TENM3: variants seen among roughly 807,000 people sequenced by gnomAD.
The protein encoded by TENM3 is teneurin transmembrane protein 3, also known as teneurin-3.
A neutral mutation model predicts 255.1 loss-of-function variants in TENM3; 63 were observed. The ratio of observed to expected loss-of-function variants is 0.25; its 90% CI spans 0.20 to 0.30. The LOEUF (loss-of-function observed/expected upper bound fraction) is 0.30, where lower values mean the gene tolerates loss of function less well. Among genes scored for constraint, TENM3 ranks in the 10% least tolerant of loss-of-function variants. The pLI, the probability that TENM3 is intolerant of heterozygous loss-of-function variation, is 1.00. For missense variants in TENM3, 2,929 were observed against 3,461.1 expected, an observed-to-expected ratio of 0.85 and a Z score of 3.86; for synonymous variants, 1,306 against 1,322.3, an observed-to-expected ratio of 0.99 and a Z score of 0.27.
At chr4:181,454,668 A>ACCATTTTTATACTTTTTTTTTTTTTTT in the TENM3 span, among the ~76,000 whole-genome samples, 3 of 88,176 alleles carry the variant, frequency 3.4e-5, no homozygotes, top group Admixed American at 1.2e-4. Flanking sequence ...TATGTTTTTT[A>ACCATTTTTATACTTTTTTTTTTTTTTT]TACCATTTTT....
chr4:181,475,915 G>A, the TENM3 span, among the ~76,000 whole-genome samples: 1 of 152,178 alleles, frequency 6.6e-6, no homozygotes, highest in Non-Finnish European at 1.5e-5. Context: ...AAGGGGCACC[G>A]GGTTCACCCC....
At chr4:182,023,487 G>A in the TENM3 span, among the ~76,000 whole-genome samples, 1 of 152,144 alleles carries the variant, frequency 6.6e-6, no homozygotes, top group East Asian at 1.9e-4. Context: ...GGTCAAAAAA[G>A]ATATAAGTAC....
At chr4:182,352,354 T>G (rs1029522212) in intron 3 of TENM3, among the ~76,000 whole-genome samples, 2 of 152,178 alleles carry the variant, frequency 1.3e-5, no homozygotes, top group Non-Finnish European at 2.9e-5. Flanking sequence ...TCAAAGATTT[T>G]AGCATGCTCC....
chr4:182,196,684 C>T (rs1470491730), intron 1 of TENM3, among the ~76,000 whole-genome samples: 3 of 152,196 alleles, frequency 2.0e-5, no homozygotes, highest in Non-Finnish European at 4.4e-5. Context: ...ATTCTAGAAG[C>T]TCCTTTAACC....
the TENM3 span, among the ~76,000 whole-genome samples, chr4:181,651,060 G>A: frequency 6.6e-6 from 1 of 152,118 alleles, no homozygotes; most frequent in South Asian, 2.1e-4. Flanking sequence ...TGTCCATAAT[G>A]CCAGAAAGGT....
intron 3 of TENM3, among the ~76,000 whole-genome samples, chr4:182,511,559 A>G (rs1217793788): frequency 6.6e-6 from 1 of 152,210 alleles, no homozygotes; most frequent in Non-Finnish European, 1.5e-5. Context: ...GTTTCTGAAG[A>G]GAACTTCAGT....
At chr4:181,811,865 C>T in the TENM3 span, among the ~76,000 whole-genome samples, 2,100 of 152,260 alleles carry the variant, frequency 0.014, 64 homozygotes, top group African/African-American at 0.048. Flanking sequence ...CAACACTAGG[C>T]CTGCAGAATA....
At chr4:181,831,634 A>G in the TENM3 span, among the ~76,000 whole-genome samples, 3 of 152,184 alleles carry the variant, frequency 2.0e-5, no homozygotes, top group African/African-American at 7.2e-5. Context: ...CATTTTGAAA[A>G]AAACTAGGAA....
chr4:182,289,392 C>T (rs371412938), intron 1 of TENM3, among the ~76,000 whole-genome samples: 3 of 152,196 alleles, frequency 2.0e-5, no homozygotes, highest in Non-Finnish European at 4.4e-5. Flanking sequence ...GCTGGGTGTG[C>T]GAGGGCGGAG....
chr4:182,266,354 T>C (rs1372249127), intron 1 of TENM3, among the ~76,000 whole-genome samples: 2 of 152,196 alleles, frequency 1.3e-5, no homozygotes, highest in African/African-American at 4.8e-5. Context: ...CAAAGAATTG[T>C]TAGGTTTAAA....
At chr4:182,142,839 C>G (rs890370382), upstream of TENM3, 4 of 166,810 alleles carry the variant, frequency 2.4e-5, no homozygotes, top group African/African-American at 9.6e-5. Context: ...CCACCTCTGC[C>G]GCCGCCCCGT....
At chr4:182,059,520 G>A in the TENM3 span, among the ~76,000 whole-genome samples, 1 of 151,584 alleles carries the variant, frequency 6.6e-6, no homozygotes, top group Admixed American at 6.6e-5. Context: ...CTACTGGAAG[G>A]GAAGTTCCAC....
intron 14 of TENM3, among the ~76,000 whole-genome samples, chr4:182,729,409 G>A (rs1041487736): frequency 1.3e-5 from 2 of 152,082 alleles, no homozygotes; most frequent in African/African-American, 4.8e-5. Flanking sequence ...TTATATTAAA[G>A]AGTCAATAAA....
chr4:181,599,395 G>A, the TENM3 span, among the ~76,000 whole-genome samples: 1 of 152,160 alleles, frequency 6.6e-6, no homozygotes, highest in Non-Finnish European at 1.5e-5. Context: ...TGGTTAAGGA[G>A]GGCAAACAGA....
the TENM3 span, among the ~76,000 whole-genome samples, chr4:182,004,357 G>A: frequency 6.6e-6 from 1 of 152,010 alleles, no homozygotes; most frequent in Non-Finnish European, 1.5e-5. Context: ...TGAGGATGAT[G>A]GCTTCCAGCT....
the TENM3 span, among the ~76,000 whole-genome samples, chr4:181,901,856 C>A: frequency 6.6e-6 from 1 of 152,072 alleles, no homozygotes; most frequent in Non-Finnish European, 1.5e-5. Flanking sequence ...ATGTTTTTAT[C>A]AAGTTTTCAC....
At chr4:181,519,680 C>A in the TENM3 span, among the ~76,000 whole-genome samples, 1 of 152,156 alleles carries the variant, frequency 6.6e-6, no homozygotes, top group Non-Finnish European at 1.5e-5. Flanking sequence ...AGTGTTAGAT[C>A]AATCACGTTT....
chr4:182,424,036 A>T (rs549606090), intron 3 of TENM3, among the ~76,000 whole-genome samples: 1 of 152,206 alleles, frequency 6.6e-6, no homozygotes, highest in Non-Finnish European at 1.5e-5. Context: ...TTGAAAAAGC[A>T]GTTTTCACTT....
intron 3 of TENM3, among the ~76,000 whole-genome samples, chr4:182,410,881 T>C (rs1412170604): frequency 6.6e-6 from 1 of 152,234 alleles, no homozygotes; most frequent in Non-Finnish European, 1.5e-5. Flanking sequence ...AACTAAAATA[T>C]ATTTTGAATA....
Sources: allele counts gnomAD v4.1 joint callset (sites outside exome capture counted in the v4.1 genomes callset), GRCh38; gene constraint gnomAD v4.1.1; transcripts MANE v1.5; gene names NCBI Gene and HGNC (gene_info 2026-07-23, HGNC 2026-07-21).